The following HDAC7 variants were observed in gnomAD, a reference collection of about 807,000 sequenced individuals.
HDAC7 encodes the protein histone deacetylase 7.
Under a neutral mutation model 115.5 loss-of-function variants are expected in HDAC7, and 26 were observed. The observed-to-expected ratio is 0.23, with a 90% confidence interval of 0.16 to 0.31. The LOEUF is 0.31. Ranked by LOEUF, HDAC7 falls within the 10% of genes least tolerant of loss-of-function variation. HDAC7 has a pLI of 1.00. For synonymous variants in HDAC7, 564 were observed against 550.9 expected (o/e 1.02, Z -0.33); for missense variants, 1,068 against 1,329.0 (o/e 0.80, Z 3.05).
At position 47,819,770 on chromosome 12, in the gene HDAC7, C is replaced by T. The variant is rs1419505565; in HGVS notation, c.16G>A (p.Ala6Thr). 1.2e-6 allele frequency: 1 copy of T among 840,802 alleles called. No individual in the cohort carries two copies. The highest frequency in any genetic ancestry group is 1.5e-6 in the Non-Finnish European group (1 of 687,494). The allele number at this position is 840,802 out of a possible 1,614,324, so 52.1% of individuals were successfully genotyped here. A position where few individuals can be genotyped will look rare whatever the true frequency, so the allele number is the denominator to read the frequency against. Reference protein sequence around the residue: MHSPGADGTQVSPGAH... With the variant: MHSPGTDGTQVSPGAH... ...GGGGCGGCCGCCCAGTACTCACCAG[C>T]GCCGGGGCTGTGCATCCAGGGGCCG... Residue 6 changes from alanine (A) to threonine (T), a missense_variant, in exon 1 of 26, where the codon GCT becomes ACT. By Grantham distance (58) the Ala-to-Thr change is moderately conservative (BLOSUM62 0). This residue lies in a region of HDAC7 where 161 missense variants were observed against 158.5 expected (regional missense o/e 1.02). Coordinates refer to ENST00000080059, the MANE Select transcript of HDAC7 (RefSeq NM_015401.5).
chr12:47,792,365 C>G, intron 13 of HDAC7: 1 of 379,324 alleles, frequency 2.6e-6, no homozygotes. Flanking sequence ...AGCATGAGGC[C>G]TAACGTACAG....
At chr12:47,790,742 AGG>A in intron 16 of HDAC7, 1 of 169,446 alleles carries the variant, frequency 5.9e-6, no homozygotes, top group South Asian at 1.3e-4. Context: ...CCCTTCACAA[AGG>A]GGTGAGGACT....
chr12:47,789,494 A>G, intron 18 of HDAC7, 29 bp downstream of exon 18: 5 of 1,612,398 alleles, frequency 3.1e-6, no homozygotes, highest in Non-Finnish European at 4.2e-6. Context: ...CCCCCACCTC[A>G]TCCCACCCAG....
chr12:47,798,296 TC>T lies in HDAC7; in HGVS notation c.350-78del. On this transcript the variant is annotated intron_variant, in intron 4 of 25. Transcript: ENST00000080059. This position sits in a 1 kb window ranked among gnomAD's most constrained non-coding sequence, Gnocchi z 4.3. ...GTGGCACTACCTGGCCACTGCCCTG[TC>T]CCCATCCTCAGTAGGAGGCGTCCCA... 1 of 1,182,600 alleles carries T rather than the reference TC, an allele frequency of 8.5e-7. No homozygotes were observed. 73.3% of individuals were successfully genotyped at this position (1,182,600 alleles called of 1,614,324 possible).
chr12:47,791,034 G>A (rs2240106), intron 16 of HDAC7: 21 of 596,042 alleles, frequency 3.5e-5, no homozygotes, highest in Non-Finnish European at 6.3e-5. Context: ...CCTTCTAGGG[G>A]AAGGCTTAGG....
intron 1 of HDAC7, among the ~76,000 whole-genome samples, chr12:47,814,272 A>T (rs1444719495): frequency 6.6e-6 from 1 of 152,096 alleles, no homozygotes; most frequent in Non-Finnish European, 1.5e-5. Context: ...TCCCAACCCC[A>T]GCCTTCCTTT....
In HDAC7 at chr12:47,784,482, G is replaced by A. The variant is rs1205051895; in HGVS notation, c.2792-265C>T. Reference sequence around the variant, plus strand: ...AGCCTTTCTCTCATCCCCTGTGGCTGCAAGGCCACCTTTGACTCATTCCCC... The same window carrying A: ...AGCCTTTCTCTCATCCCCTGTGGCTACAAGGCCACCTTTGACTCATTCCCC... On this transcript the variant is annotated intron_variant, in intron 24 of 25. Transcript: ENST00000080059. 2.8e-5 allele frequency: 17 copies of A among 601,352 alleles called. No individual in the cohort carries two copies. In the Admixed American group the frequency reaches 4.3e-4, roughly 15 times the overall value. The allele number at this position is 601,352 out of a possible 1,614,324, so 37.3% of individuals were successfully genotyped here.
intron 1 of HDAC7, among the ~76,000 whole-genome samples, chr12:47,813,877 T>A (rs1300615994): frequency 6.6e-6 from 1 of 152,214 alleles, no homozygotes; most frequent in African/African-American, 2.4e-5. Flanking sequence ...AGGCAACACC[T>A]TCCTGCAGCC....
chr12:47,802,176 C>G (rs898343218), intron 2 of HDAC7, 48 bp downstream of exon 2: 2 of 1,579,380 alleles, frequency 1.3e-6, no homozygotes, highest in African/African-American at 2.7e-5. Flanking sequence ...CCTTTCCACC[C>G]CTCATCTTCC....
chr12:47,802,333 A>G, intron 1 of HDAC7, 59 bp from the exon 2 acceptor site: 3 of 1,573,906 alleles, frequency 1.9e-6, no homozygotes, highest in Non-Finnish European at 2.6e-6. Flanking sequence ...AGGGAGCAGG[A>G]AGGAAAGAAG....
Position 47,798,967 on chromosome 12 carries a change from G to A in HDAC7, c.76C>T (p.Pro26Ser). 1 of 1,503,938 alleles carries A rather than the reference G, an allele frequency of 6.6e-7. No individual in the cohort carries two copies. The highest frequency in any genetic ancestry group is 8.9e-7 in the Non-Finnish European group (1 of 1,128,570). 93.2% of individuals were successfully genotyped at this position (1,503,938 alleles called of 1,614,324 possible). The change falls in exon 3 of 26, where the codon CCC (proline) becomes TCC (serine). Residue 26 changes from proline (P) to serine (S), a missense_variant. Physicochemically the swap from Pro to Ser is moderately conservative, Grantham distance 74. Transcript: ENST00000080059. This position sits in a 1 kb window ranked among gnomAD's most constrained non-coding sequence, Gnocchi z 4.3. ...HYCSPTGAGC[P>S]RPCADTPGPQ... ...CCTGGTGTGTCTGCACAGGGCCTGG[G>A]GCAGCCTAGGGACAGAGAGAGGGAG...
intron 12 of HDAC7, among the ~76,000 whole-genome samples, chr12:47,794,215 T>C (rs1365996578): frequency 2.0e-5 from 3 of 152,222 alleles, no homozygotes; most frequent in Admixed American, 6.5e-5. Context: ...GAACAGCCCC[T>C]GCCCTCACAC....
chr12:47,791,025 C>T (rs1943466936), intron 16 of HDAC7: 2 of 576,732 alleles, frequency 3.5e-6, no homozygotes, highest in Admixed American at 6.2e-5. Context: ...TACCAGACAC[C>T]TTCTAGGGGA....
In HDAC7 at chr12:47,788,185, C is replaced by T. The variant is rs769979455; in HGVS notation, c.2236-21G>A. On this transcript the variant is annotated intron_variant, in intron 19 of 25. Coordinates refer to ENST00000080059, the MANE Select transcript of HDAC7 (RefSeq NM_015401.5). ...ACGTCCTGTGTAGGGAGACGGGCAGCGATTAGGGAAGGCAGAGAGATGGGG... is the reference window on the plus strand; with the variant it reads ...ACGTCCTGTGTAGGGAGACGGGCAGTGATTAGGGAAGGCAGAGAGATGGGG... The T allele has an allele frequency of 2.4e-5, 38 of 1,582,742 alleles. No homozygotes were observed. The African/African-American group carries it at 2.8e-4, about 12-fold the overall frequency.
intron 1 of HDAC7, among the ~76,000 whole-genome samples, chr12:47,809,206 A>G (rs1189640385): frequency 6.6e-6 from 1 of 151,956 alleles, no homozygotes; most frequent in African/African-American, 2.4e-5. Flanking sequence ...CTCCCCTCTG[A>G]GGTGTCACAC....
At chr12:47,796,426 C>CTTTTTTTTTT in intron 7 of HDAC7, 128 bp from the exon 8 acceptor site, 1 of 463,478 alleles carries the variant, frequency 2.2e-6, no homozygotes, top group Non-Finnish European at 3.8e-6. Flanking sequence ...TTCCTGCTTT[C>CTTTTTTTTTT]TTTTTTTTTT....
chr12:47,797,959 G>C lies in HDAC7; in HGVS notation c.461+149C>G. The C allele has an allele frequency of 2.9e-6, 2 of 688,754 alleles. No individual in the cohort carries two copies. The highest frequency in any genetic ancestry group is 2.7e-6 in the Non-Finnish European group (1 of 376,920). 42.7% of individuals were successfully genotyped at this position (688,754 alleles called of 1,614,324 possible). A position where few individuals can be genotyped will look rare whatever the true frequency, so the allele number is the denominator to read the frequency against. On this transcript the variant is annotated intron_variant, in intron 5 of 25. Coordinates refer to ENST00000080059, the MANE Select transcript of HDAC7 (RefSeq NM_015401.5). This position sits in a 1 kb window ranked among gnomAD's most constrained non-coding sequence, Gnocchi z 5.5. ...GGAGGGCAGGTATCAGTTGAGAGAG[G>C]GGCTCGGGGGCATTATGTTTAGAGG...
rs1943135232 is a variant in HDAC7, at chr12:47,785,633, T to G, written c.2706+119A>C. On this transcript the variant is annotated intron_variant, in intron 23 of 25. Coordinates refer to ENST00000080059, the MANE Select transcript of HDAC7 (RefSeq NM_015401.5). ...AACAGAGGCTTCCGCTTCGCCTACC[T>G]TGTTTCAGGCTTGGCCACTCCCACC... The G allele has an allele frequency of 5.7e-6, 8 of 1,410,484 alleles. No individual in the cohort carries two copies. The African/African-American group carries it at 7.2e-5, about 13-fold the overall frequency. 87.4% of individuals were successfully genotyped at this position (1,410,484 alleles called of 1,614,324 possible).
chr12:47,786,944 T>C (rs1943201602), intron 21 of HDAC7, among the ~76,000 whole-genome samples: 1 of 152,168 alleles, frequency 6.6e-6, no homozygotes, highest in African/African-American at 2.4e-5. Context: ...GAGCCAAGGA[T>C]GGAGCACCAG....
Sources: allele counts gnomAD v4.1 joint callset (sites outside exome capture counted in the v4.1 genomes callset), GRCh38; gene constraint gnomAD v4.1.1; regional missense constraint gnomAD v4.1.1; non-coding constraint Gnocchi (gnomAD v3.1); transcripts MANE v1.5; gene names NCBI Gene and HGNC (gene_info 2026-07-23, HGNC 2026-07-21).